The following MAPKAP1 variants were observed in gnomAD, a reference collection of about 807,000 sequenced individuals.
MAPKAP1 encodes the protein target of rapamycin complex 2 subunit MAPKAP1.
A neutral mutation model predicts 65.7 loss-of-function variants in MAPKAP1; 20 were observed. The ratio of observed to expected loss-of-function variants is 0.30; its 90% CI spans 0.21 to 0.44. MAPKAP1 has a LOEUF of 0.44. Among genes scored for constraint, MAPKAP1 ranks in the 20% least tolerant of loss-of-function variants. The pLI is 1.00. For missense variants in MAPKAP1, 423 were observed against 648.0 expected (o/e 0.65, Z 3.77); for synonymous variants, 222 against 244.3 (o/e 0.91, Z 0.85).
chr9:125,596,356 A>C, intron 4 of MAPKAP1: 1 of 783,316 alleles, frequency 1.3e-6, no homozygotes, highest in East Asian at 2.4e-5. Flanking sequence ...TTTGGTGGCA[A>C]CCATGGTGGT....
chr9:125,684,906 T>C (rs1834930200), intron 1 of MAPKAP1, among the ~76,000 whole-genome samples: 2 of 152,094 alleles, frequency 1.3e-5, no homozygotes, highest in African/African-American at 4.8e-5. Context: ...ATTCCTGGAT[T>C]CCAGCGATCC....
At chr9:125,480,441 C>G (rs1854265738) in intron 9 of MAPKAP1, among the ~76,000 whole-genome samples, 1 of 152,122 alleles carries the variant, frequency 6.6e-6, no homozygotes, top group Non-Finnish European at 1.5e-5. Context: ...AAGTGACGCC[C>G]CAGCCTCCAG....
intron 1 of MAPKAP1, among the ~76,000 whole-genome samples, chr9:125,680,265 T>G (rs1175672294): frequency 6.6e-6 from 1 of 151,886 alleles, no homozygotes; most frequent in Non-Finnish European, 1.5e-5. Flanking sequence ...CTTTTTATTA[T>G]ATACAACGTC....
intron 7 of MAPKAP1, among the ~76,000 whole-genome samples, chr9:125,537,122 G>A (rs1311060069): frequency 1.3e-5 from 2 of 152,132 alleles, no homozygotes; most frequent in Non-Finnish European, 2.9e-5. Context: ...AAAAGAGTAT[G>A]GGCTTTGAGG....
chr9:125,439,027 A>C lies in MAPKAP1; in HGVS notation c.1444-15T>G, dbSNP rs768343937. On this transcript the variant is annotated splice_polypyrimidine_tract_variant and intron_variant, in intron 11 of 11. Coordinates refer to ENST00000265960, the MANE Select transcript of MAPKAP1 (RefSeq NM_001006617.3). The surrounding 1 kb of genome is among the most constrained non-coding windows in gnomAD (Gnocchi z 4.0). Reference sequence around the variant, plus strand: ...ATGTAGTTAACCTAGAAACAAGAGCACACAGCCCGGTCACCTTGCCAGCCG... The same window carrying C: ...ATGTAGTTAACCTAGAAACAAGAGCCCACAGCCCGGTCACCTTGCCAGCCG... The C allele has an allele frequency of 6.2e-6, 10 of 1,612,150 alleles. 1 individual carries two copies. The highest frequency in any genetic ancestry group is 3.9e-4 in the Middle Eastern group (2 of 5,178).
chr9:125,662,421 C>T (rs914621191), intron 3 of MAPKAP1, among the ~76,000 whole-genome samples: 4 of 152,164 alleles, frequency 2.6e-5, no homozygotes, highest in African/African-American at 4.8e-5. Context: ...CGGTGGCTCA[C>T]GCCTGTAATC....
chr9:125,514,114 G>A (rs1487024425), intron 7 of MAPKAP1, among the ~76,000 whole-genome samples: 1 of 152,148 alleles, frequency 6.6e-6, no homozygotes, highest in Non-Finnish European at 1.5e-5. Context: ...CATGGTCCAC[G>A]TGGGTTCCTC....
chr9:125,585,446 A>T, intron 5 of MAPKAP1, 109 bp downstream of exon 5: 1 of 1,179,392 alleles, frequency 8.5e-7, no homozygotes, highest in Non-Finnish European at 1.2e-6. Context: ...GGATCAGTGC[A>T]GAAGTGTGGT....
chr9:125,695,929 T>C, intron 1 of MAPKAP1, among the ~76,000 whole-genome samples: 1 of 152,144 alleles, frequency 6.6e-6, no homozygotes. Context: ...GGTTTCTACA[T>C]GTTGGTCAGG....
chr9:125,476,120 A>G (rs1439243382), intron 9 of MAPKAP1, among the ~76,000 whole-genome samples: 3 of 152,200 alleles, frequency 2.0e-5, no homozygotes, highest in Non-Finnish European at 4.4e-5. Context: ...AGAGGAAGCT[A>G]GGCCTTAAGA....
rs1199735519 is a variant in MAPKAP1, at chr9:125,438,775, G to T, written c.*112C>A. On this transcript the variant is annotated 3_prime_UTR_variant, in exon 12 of 12. Transcript: ENST00000265960. Reference sequence around the variant, plus strand: ...GAGCCCACCTGCCCTGTGCCAGTGAGCCAGGGGCTGGCCTCCCCCCGAGGA... The same window carrying T: ...GAGCCCACCTGCCCTGTGCCAGTGATCCAGGGGCTGGCCTCCCCCCGAGGA... 1 of 1,451,266 alleles carries T rather than the reference G, an allele frequency of 6.9e-7. No homozygotes were observed. The highest frequency in any genetic ancestry group is 1.3e-5 in the South Asian group (1 of 78,102). The allele number at this position is 1,451,266 out of a possible 1,614,324, so 89.9% of individuals were successfully genotyped here. A position where few individuals can be genotyped will look rare whatever the true frequency, so the allele number is the denominator to read the frequency against.
At chr9:125,650,548 T>C (rs547023512) in intron 4 of MAPKAP1, 2 of 152,336 alleles carry the variant, frequency 1.3e-5, no homozygotes, top group East Asian at 3.9e-4. Context: ...TCAAAAGATT[T>C]TAACCCAAGC....
At position 125,437,458 on chromosome 9, in the gene MAPKAP1, A is replaced by G. The variant is rs1253936967; in HGVS notation, c.*1429T>C. 1 of 152,574 alleles carries G rather than the reference A, an allele frequency of 6.6e-6. No homozygotes were observed. The highest frequency in any genetic ancestry group is 1.5e-5 in the Non-Finnish European group (1 of 68,040). 9.5% of individuals were successfully genotyped at this position (152,574 alleles called of 1,614,324 possible). On this transcript the variant is annotated 3_prime_UTR_variant, in exon 12 of 12. Transcript: ENST00000265960. ...ATCGAATATGTCACAAGATTTAATG[A>G]CCAAATTAGTCATTTACATTTTTCA...
intron 1 of MAPKAP1, chr9:125,696,545 C>T (rs1835391431): frequency 6.6e-6 from 1 of 151,788 alleles, no homozygotes; most frequent in Admixed American, 6.6e-5. Flanking sequence ...TTATAAATGA[C>T]CTTAACCTTG....
intron 9 of MAPKAP1, 60 bp downstream of exon 9, chr9:125,484,383 C>T (rs1589227895): frequency 2.7e-6 from 4 of 1,504,630 alleles, no homozygotes; most frequent in South Asian, 1.4e-5. Context: ...TGTTTCTTTC[C>T]CCATTTCTAC....
chr9:125,484,574 G>A lies in MAPKAP1; in HGVS notation c.1076C>T (p.Ala359Val). ...CGAATCCTCCTCAAAAACCCCGTCT[G>A]CCCTTGAACCTGGGGAGGAAAAGGC... is the stretch of plus-strand genomic sequence containing the variant. ...FCLVRENSSR[A>V]DGVFEEDSQI... The change falls in exon 9 of 12, where the codon GCA (alanine) becomes GTA (valine). Residue 359 changes from alanine to valine, a missense_variant. Transcript: ENST00000265960. 6.2e-7 allele frequency: 1 copy of A among 1,608,986 alleles called. No individual in the cohort carries two copies. The highest frequency in any genetic ancestry group is 8.5e-7 in the Non-Finnish European group (1 of 1,177,624).
chr9:125,471,928 A>G (rs1259802870), intron 9 of MAPKAP1: 1 of 152,264 alleles, frequency 6.6e-6, no homozygotes, highest in Non-Finnish European at 1.5e-5. Flanking sequence ...ATTAACTGCC[A>G]TCAACAATGT....
At chr9:125,652,314 C>G in intron 4 of MAPKAP1, 1 of 1,115,884 alleles carries the variant, frequency 9.0e-7, no homozygotes, top group Non-Finnish European at 1.1e-6. Context: ...CAAAATGCTG[C>G]TAAAAGCTAT....
At chr9:125,674,862 C>T (rs1051881155) in intron 1 of MAPKAP1, among the ~76,000 whole-genome samples, 2 of 152,046 alleles carry the variant, frequency 1.3e-5, no homozygotes, top group Non-Finnish European at 2.9e-5. Flanking sequence ...TAATACAGAC[C>T]GAGTACATCT....
Sources: allele counts gnomAD v4.1 joint callset (sites outside exome capture counted in the v4.1 genomes callset), GRCh38; gene constraint gnomAD v4.1.1; non-coding constraint Gnocchi (gnomAD v3.1); transcripts MANE v1.5; gene names NCBI Gene and HGNC (gene_info 2026-07-23, HGNC 2026-07-21).